The following SIPA1L2 variants were observed in gnomAD, a reference collection of about 807,000 sequenced individuals.
SIPA1L2 encodes the protein signal induced proliferation associated 1 like 2, also known as signal-induced proliferation-associated 1-like protein 2.
In SIPA1L2, 56 loss-of-function variants were observed where a neutral mutation model predicts 163.9. That is an observed-to-expected ratio of 0.34 (90% CI 0.28 to 0.43). The LOEUF (loss-of-function observed/expected upper bound fraction) is 0.43, where lower values mean the gene tolerates loss of function less well. Ranked by LOEUF, SIPA1L2 falls within the 20% of genes least tolerant of loss-of-function variation. SIPA1L2 has a pLI of 1.00. For synonymous variants in SIPA1L2, 877 were observed against 865.7 expected, an observed-to-expected ratio of 1.01 and a Z score of -0.23; for missense variants, 1,974 against 2,193.5, an observed-to-expected ratio of 0.90 and a Z score of 2.00.
chr1:232,530,702 C>G (rs1187023033), intron 2 of SIPA1L2, among the ~76,000 whole-genome samples: 1 of 152,184 alleles, frequency 6.6e-6, no homozygotes, highest in East Asian at 1.9e-4. Flanking sequence ...CCCAGAGATT[C>G]TGGTTCAGAG....
At chr1:232,490,311 T>C (rs1351038668) in intron 5 of SIPA1L2, among the ~76,000 whole-genome samples, 1 of 152,074 alleles carries the variant, frequency 6.6e-6, no homozygotes, top group African/African-American at 2.4e-5. Flanking sequence ...TTCAGGAGAG[T>C]TGCCCAGCCA....
chr1:232,618,496 A>T (rs369700223), intron 1 of SIPA1L2, among the ~76,000 whole-genome samples: 3 of 152,138 alleles, frequency 2.0e-5, no homozygotes, highest in Non-Finnish European at 4.4e-5. Context: ...TCTACTAAAA[A>T]TACAAAAATT....
intron 17 of SIPA1L2, among the ~76,000 whole-genome samples, chr1:232,428,140 A>G (rs886187187): frequency 3.9e-5 from 6 of 152,150 alleles, no homozygotes; most frequent in African/African-American, 1.2e-4. Flanking sequence ...GCAGCTACCC[A>G]TTGCTGGAGC....
chr1:232,567,238 A>G (rs1659460360), intron 2 of SIPA1L2, among the ~76,000 whole-genome samples: 1 of 152,224 alleles, frequency 6.6e-6, no homozygotes, highest in South Asian at 2.1e-4. Flanking sequence ...GTAAAATACT[A>G]AAATATTATC....
chr1:232,577,697 T>G lies in SIPA1L2; in HGVS notation c.-318-3475A>C, dbSNP rs1292606112. ...TTGGGGTGGGGGCTTAACATTTCAATAGAGGAAGAAATAGCAAGAAAACTA... is the reference window on the plus strand; with the variant it reads ...TTGGGGTGGGGGCTTAACATTTCAAGAGAGGAAGAAATAGCAAGAAAACTA... On this transcript the variant is annotated intron_variant, in intron 1 of 22. Coordinates refer to ENST00000674635, the MANE Select transcript of SIPA1L2 (RefSeq NM_020808.5). 3.3e-5 allele frequency among the ~76,000 whole-genome samples: 5 copies of G among 152,114 alleles called. No individual in the cohort carries two copies. The East Asian group carries it at 7.7e-4, about 23-fold the overall frequency.
intron 1 of SIPA1L2, among the ~76,000 whole-genome samples, chr1:232,590,948 A>C (rs573528404): frequency 2.2e-4 from 33 of 152,352 alleles, no homozygotes; most frequent in African/African-American, 7.9e-4. Context: ...AACATAGTTT[A>C]CAGCAAACAA....
rs184740122 is a variant in SIPA1L2, at chr1:232,571,853, A to G, written c.-270+2321T>C. 2.6e-5 allele frequency among the ~76,000 whole-genome samples: 4 copies of G among 152,296 alleles called. No individual in the cohort carries two copies. In the East Asian group the frequency reaches 7.7e-4, roughly 29 times the overall value. ...AAAAGCTTTCTTAGGTCTCACCAGA[A>G]GCCAAGCAGATGCCAGTACCATGCT... is the stretch of plus-strand genomic sequence containing the variant. On this transcript the variant is annotated intron_variant, in intron 2 of 22. Transcript: ENST00000674635.
intron 1 of SIPA1L2, among the ~76,000 whole-genome samples, chr1:232,623,769 T>C (rs1028167126): frequency 6.6e-6 from 1 of 151,912 alleles, no homozygotes; most frequent in Non-Finnish European, 1.5e-5. Flanking sequence ...AAGTCAGAAA[T>C]GTCTTCGGGA....
chr1:232,484,968 T>C (rs536707518), intron 5 of SIPA1L2, among the ~76,000 whole-genome samples: 1 of 152,310 alleles, frequency 6.6e-6, no homozygotes, highest in African/African-American at 2.4e-5. Flanking sequence ...AAAATGATAC[T>C]CATTTCCCTT....
At chr1:232,529,664 G>A (rs1207504281) in intron 2 of SIPA1L2, among the ~76,000 whole-genome samples, 1 of 152,210 alleles carries the variant, frequency 6.6e-6, no homozygotes, top group Non-Finnish European at 1.5e-5. Context: ...TAGCTGCTAA[G>A]ATTAAAAGCC....
chr1:232,606,633 A>G (rs968466116), intron 1 of SIPA1L2, among the ~76,000 whole-genome samples: 1 of 148,690 alleles, frequency 6.7e-6, no homozygotes, highest in African/African-American at 2.4e-5. Context: ...TATTATATAT[A>G]CTATATAATT....
At chr1:232,486,832 T>C (rs2102985665) in intron 5 of SIPA1L2, among the ~76,000 whole-genome samples, 1 of 152,214 alleles carries the variant, frequency 6.6e-6, no homozygotes, top group East Asian at 1.9e-4. Context: ...ACTCCCGGGG[T>C]ATATCAGAAG....
chr1:232,525,777 G>A (rs1177001155), intron 2 of SIPA1L2, among the ~76,000 whole-genome samples: 1 of 152,136 alleles, frequency 6.6e-6, no homozygotes. Context: ...GATAACTGTT[G>A]TGGGACCAGT....
chr1:232,503,949 G>C (rs900173388), intron 3 of SIPA1L2, among the ~76,000 whole-genome samples: 1 of 152,182 alleles, frequency 6.6e-6, no homozygotes, highest in Non-Finnish European at 1.5e-5. Flanking sequence ...CCAGCACTTT[G>C]GGAGGCAGAA....
At chr1:232,433,419 G>A (rs1335396320) in intron 15 of SIPA1L2, among the ~76,000 whole-genome samples, 1 of 152,202 alleles carries the variant, frequency 6.6e-6, no homozygotes, top group Non-Finnish European at 1.5e-5. Context: ...GCTACCTCAA[G>A]GGAGAAGAGA....
intron 10 of SIPA1L2, among the ~76,000 whole-genome samples, chr1:232,455,505 C>T (rs895807513): frequency 6.6e-6 from 1 of 152,158 alleles, no homozygotes; most frequent in East Asian, 1.9e-4. Context: ...CACAGTGAAA[C>T]CCCGTCTCTA....
chr1:232,618,338 A>G (rs900569412), intron 1 of SIPA1L2, among the ~76,000 whole-genome samples: 2 of 152,172 alleles, frequency 1.3e-5, no homozygotes. Flanking sequence ...GTCCACAGAC[A>G]TCCTTCCTAA....
At chr1:232,417,200 G>T (rs1425299434) in intron 18 of SIPA1L2, among the ~76,000 whole-genome samples, 1 of 152,144 alleles carries the variant, frequency 6.6e-6, no homozygotes, top group Non-Finnish European at 1.5e-5. Context: ...TAGTAAATTT[G>T]GCCTTGAAGG....
At position 232,597,676 on chromosome 1, in the gene SIPA1L2, C is replaced by T. The variant is rs1289038628; in HGVS notation, c.-318-23454G>A. Among the ~76,000 whole-genome samples the T allele has an allele frequency of 4.5e-4, 53 of 117,084 alleles. No homozygotes were observed. The Admixed American group carries it at 5.3e-3, about 12-fold the overall frequency. The allele number at this position is 117,084 out of a possible 152,430, so 76.8% of individuals were successfully genotyped here. A position where few individuals can be genotyped will look rare whatever the true frequency, so the allele number is the denominator to read the frequency against. On this transcript the variant is annotated intron_variant, in intron 1 of 22. Transcript: ENST00000674635. ...CTGCACTCCAGCCTGGGCGACAGAG[C>T]GAAACTCTGTCTCAAAAAAAAAAAA...
Sources: gnomAD v4.1 joint callset for allele counts (sites outside exome capture counted in the v4.1 genomes callset) on GRCh38, gnomAD v4.1.1 for gene constraint, MANE v1.5 for transcripts, NCBI Gene and HGNC (gene_info 2026-07-23, HGNC 2026-07-21) for gene names.